NRIP1: variants seen among roughly 807,000 people sequenced by gnomAD.
The protein encoded by NRIP1 is nuclear receptor interacting protein 1.
In NRIP1, 28 loss-of-function variants were observed where a neutral mutation model predicts 75.0. The observed-to-expected ratio is 0.37, with a 90% CI of 0.28 to 0.51. NRIP1 has a LOEUF of 0.51. NRIP1 is among the 20% of genes least tolerant of loss of function. NRIP1 has a pLI of 0.92. For synonymous variants in NRIP1, 526 were observed against 487.6 expected, an observed-to-expected ratio of 1.08 and a Z score of -1.04; for missense variants, 1,435 against 1,343.7, an observed-to-expected ratio of 1.07 and a Z score of -1.06.
intron 3 of NRIP1, among the ~76,000 whole-genome samples, chr21:14,982,600 G>A (rs1443552749): frequency 6.6e-6 from 1 of 152,004 alleles, no homozygotes; most frequent in Non-Finnish European, 1.5e-5. Context: ...TGACTCCACG[G>A]CACTCAGTAG....
In NRIP1 at chr21:15,031,139, G is replaced by A. The variant is rs145185320; in HGVS notation, c.-458+12356C>T. Among the ~76,000 whole-genome samples the A allele has an allele frequency of 1.6e-4, 20 of 124,496 alleles. No homozygotes were observed. In the East Asian group the frequency reaches 1.8e-3, roughly 11 times the overall value. The allele number at this position is 124,496 out of a possible 152,430, so 81.7% of individuals were successfully genotyped here. ...TCTATGTGTATACACTCTGGAAGGC[G>A]CACGGAGGATCACCACATTCCCTTT... On this transcript the variant is annotated intron_variant, in intron 2 of 3. Coordinates refer to ENST00000318948, the MANE Select transcript of NRIP1 (RefSeq NM_003489.4).
rs1420824494 is a variant in NRIP1, at chr21:15,019,066, G to A, written c.-457-4600C>T. Among the ~76,000 whole-genome samples the A allele has an allele frequency of 6.6e-5, 10 of 150,904 alleles. No homozygotes were observed. The East Asian group carries it at 1.2e-3, about 17-fold the overall frequency. Reference sequence around the variant, plus strand: ...TCAAATGATTTTTCCTGTATCTATCGAGATAATCATGTGAGTTTTTACTCT... The same window carrying A: ...TCAAATGATTTTTCCTGTATCTATCAAGATAATCATGTGAGTTTTTACTCT... On this transcript the variant is annotated intron_variant, in intron 2 of 3. Transcript: ENST00000318948.
At chr21:15,051,275 T>TGTGTGCGC (rs2089196803) in intron 1 of NRIP1, 1 of 179,262 alleles carries the variant, frequency 5.6e-6, no homozygotes, top group Non-Finnish European at 1.2e-5. Context: ...CAGAACTCTG[T>TGTGTGCGC]GTGTGTGTGC....
chr21:15,024,551 A>C lies in NRIP1; in HGVS notation c.-457-10085T>G, dbSNP rs555200440. Among the ~76,000 whole-genome samples, 1,042 of 149,672 alleles carry C rather than the reference A, an allele frequency of 7.0e-3. 4 individuals carry two copies. Among genetic ancestry groups the C allele is most frequent in the Non-Finnish European group, 0.012 (809 of 67,720 alleles). On this transcript the variant is annotated intron_variant, in intron 2 of 3. Coordinates refer to ENST00000318948, the MANE Select transcript of NRIP1 (RefSeq NM_003489.4). ...TCTGTCTCATATACACACACACACA[A>C]AACTTTGGTATCCAGAGTGTGTGTG...
intron 3 of NRIP1, among the ~76,000 whole-genome samples, chr21:15,011,283 G>A (rs1447853838): frequency 2.0e-5 from 3 of 151,970 alleles, no homozygotes; most frequent in African/African-American, 2.4e-5. Context: ...TCCACCTCCC[G>A]GGTTCACGCC....
chr21:14,991,817 T>C (rs1052845811), intron 3 of NRIP1, among the ~76,000 whole-genome samples: 2 of 152,208 alleles, frequency 1.3e-5, no homozygotes, highest in Non-Finnish European at 2.9e-5. Flanking sequence ...CACAATATTA[T>C]TAACACCCAG....
At chr21:15,058,977 T>C (rs982199703) in intron 1 of NRIP1, among the ~76,000 whole-genome samples, 3 of 152,192 alleles carry the variant, frequency 2.0e-5, no homozygotes, top group Non-Finnish European at 4.4e-5. Context: ...AACTCCTTAG[T>C]TTCTCTGTTG....
At chr21:15,063,702 C>T (rs1273566896) in intron 1 of NRIP1, among the ~76,000 whole-genome samples, 3 of 152,204 alleles carry the variant, frequency 2.0e-5, no homozygotes, top group South Asian at 2.1e-4. Flanking sequence ...GAAACAAACT[C>T]CAACTCAGTT....
intron 3 of NRIP1, among the ~76,000 whole-genome samples, chr21:15,014,134 C>T (rs2088172034): frequency 6.6e-6 from 1 of 152,152 alleles, no homozygotes; most frequent in Non-Finnish European, 1.5e-5. Context: ...TATTTATCTA[C>T]ATTTATTCTT....
intron 3 of NRIP1, among the ~76,000 whole-genome samples, chr21:14,983,528 A>G (rs2087305248): frequency 6.6e-6 from 1 of 152,224 alleles, no homozygotes; most frequent in Admixed American, 6.5e-5. Context: ...AAGCCAGAAG[A>G]TCCAGCTGAG....
Position 14,961,508 on chromosome 21 carries a change from G to C in NRIP1, c.*3208C>G, listed in dbSNP as rs555621811. The C allele has an allele frequency of 6.6e-6, 1 of 152,348 alleles. No homozygotes were observed. The highest frequency in any genetic ancestry group is 1.5e-5 in the Non-Finnish European group (1 of 67,850). 9.4% of individuals were successfully genotyped at this position (152,348 alleles called of 1,614,324 possible). A position where few individuals can be genotyped will look rare whatever the true frequency, so the allele number is the denominator to read the frequency against. ...TACTCTTGGAATAATGTTTGCAATG[G>C]GATTAAAAAATTCATGAAAGTAGTT... On this transcript the variant is annotated 3_prime_UTR_variant, in exon 4 of 4. Coordinates refer to ENST00000318948, the MANE Select transcript of NRIP1 (RefSeq NM_003489.4).
chr21:15,005,107 C>A (rs2087933068), intron 3 of NRIP1, among the ~76,000 whole-genome samples: 1 of 152,068 alleles, frequency 6.6e-6, no homozygotes, highest in South Asian at 2.1e-4. Context: ...TAGAATGCAA[C>A]CCTCTAAAGT....
At chr21:15,049,257 TA>T (rs766310109) in intron 1 of NRIP1, among the ~76,000 whole-genome samples, 2 of 152,150 alleles carry the variant, frequency 1.3e-5, no homozygotes, top group South Asian at 4.1e-4. Flanking sequence ...TCATTTTTTA[TA>T]ACCTAAACAC....
intron 2 of NRIP1, among the ~76,000 whole-genome samples, chr21:15,022,242 G>T (rs2088394811): frequency 6.6e-6 from 1 of 152,168 alleles, no homozygotes; most frequent in Admixed American, 6.5e-5. Context: ...TCCTTTGCAG[G>T]GACATGGATA....
In NRIP1 at chr21:14,999,536, T is replaced by C. The variant is rs931491400; in HGVS notation, c.-335+14808A>G. Among the ~76,000 whole-genome samples, 7 of 120,228 alleles carry C rather than the reference T, an allele frequency of 5.8e-5. 1 individual carries two copies. In the Middle Eastern group the frequency reaches 0.015, roughly 258 times the overall value. The allele number at this position is 120,228 out of a possible 152,430, so 78.9% of individuals were successfully genotyped here. A position where few individuals can be genotyped will look rare whatever the true frequency, so the allele number is the denominator to read the frequency against. On this transcript the variant is annotated intron_variant, in intron 3 of 3. Coordinates refer to ENST00000318948, the MANE Select transcript of NRIP1 (RefSeq NM_003489.4). ...AGCATAAAATTGAACAAAGAGTTGA[T>C]ACCAGGTTAAAAAAAAAATCACTTT... is the stretch of plus-strand genomic sequence containing the variant.
chr21:15,028,290 G>A (rs563676162), intron 2 of NRIP1, among the ~76,000 whole-genome samples: 2 of 152,206 alleles, frequency 1.3e-5, no homozygotes, highest in Non-Finnish European at 2.9e-5. Context: ...CATTCATCCT[G>A]ATAAACTTGC....
chr21:15,046,244 T>C (rs1009603713), intron 1 of NRIP1, among the ~76,000 whole-genome samples: 2 of 152,188 alleles, frequency 1.3e-5, no homozygotes, highest in Admixed American at 1.3e-4. Context: ...TAGTAAGACT[T>C]GAAAGTTGAA....
Position 14,990,458 on chromosome 21 carries a change from T to C in NRIP1, c.-334-21932A>G, listed in dbSNP as rs575524580. Among the ~76,000 whole-genome samples, 16 of 152,288 alleles carry C rather than the reference T, an allele frequency of 1.1e-4. No homozygotes were observed. In the East Asian group the frequency reaches 3.1e-3, roughly 29 times the overall value. ...CTGTCCAAGCCCTAGATGATGAGCC[T>C]TGAGCAAGGTTGAAGAGACTTGAGT... On this transcript the variant is annotated intron_variant, in intron 3 of 3. Transcript: ENST00000318948.
At chr21:14,969,091 T>A (rs1408964242) in intron 3 of NRIP1, among the ~76,000 whole-genome samples, 2 of 152,294 alleles carry the variant, frequency 1.3e-5, no homozygotes, top group East Asian at 3.9e-4. Context: ...TTCAAAAAAA[T>A]GAAACCACTA....
Sources: allele counts gnomAD v4.1 joint callset (sites outside exome capture counted in the v4.1 genomes callset), GRCh38; gene constraint gnomAD v4.1.1; transcripts MANE v1.5; gene names NCBI Gene and HGNC (gene_info 2026-07-23, HGNC 2026-07-21).